The following GRAMD1C variants were observed in gnomAD, a reference collection of about 807,000 sequenced individuals.
GRAMD1C encodes the protein GRAM domain containing 1C.
Under a neutral mutation model 97.8 loss-of-function variants are expected in GRAMD1C, and 89 were observed. That is an observed-to-expected ratio of 0.91 (90% CI 0.77 to 1.09). The LOEUF is 1.09. Among genes scored for constraint, GRAMD1C ranks in the 50% least tolerant of loss-of-function variants. The pLI is 0.00. For synonymous variants in GRAMD1C, 256 were observed against 267.0 expected (o/e 0.96, Z 0.40); for missense variants, 740 against 766.4 (o/e 0.97, Z 0.41).
At chr3:113,935,537 C>A (rs6767593) in intron 13 of GRAMD1C, among the ~76,000 whole-genome samples, 1 of 150,536 alleles carries the variant, frequency 6.6e-6, no homozygotes, top group Non-Finnish European at 1.5e-5. Context: ...TGTATATATA[C>A]GTGTGTGTAT....
intron 17 of GRAMD1C, among the ~76,000 whole-genome samples, chr3:113,941,157 T>C (rs1268775732): frequency 1.3e-5 from 2 of 152,212 alleles, no homozygotes; most frequent in Non-Finnish European, 2.9e-5. Flanking sequence ...TGGAGGTAAA[T>C]ATTTTAAGAG....
chr3:113,834,163 T>G (rs1433469098), upstream of GRAMD1C, among the ~76,000 whole-genome samples: 1 of 152,158 alleles, frequency 6.6e-6, no homozygotes, highest in Non-Finnish European at 1.5e-5. Flanking sequence ...ATTCGCTATA[T>G]TACTTTACAC....
chr3:113,915,720 T>G lies in GRAMD1C; in HGVS notation c.972T>G (p.Asp324Glu), dbSNP rs984158465. 3.1e-6 allele frequency: 5 copies of G among 1,608,642 alleles called. No individual in the cohort carries two copies. The highest frequency in any genetic ancestry group is 3.4e-5 in the Admixed American group (2 of 59,278). The change falls in exon 10 of 18, where the codon GAT (aspartate) becomes GAG (glutamate). Residue 324 changes from aspartate to glutamate, a missense_variant. Asp to Glu is a conservative substitution (Grantham distance 45, BLOSUM62 2). Coordinates refer to ENST00000358160, the MANE Select transcript of GRAMD1C (RefSeq NM_017577.5). ...SVDEENVPEKDLHGRLFINRI... is the reference protein window; with the variant it reads ...SVDEENVPEKELHGRLFINRI... ...TTCCAGAAAATGTTCCTGAGAAAGA[T>G]CTTCATGGAAGACTTTTTATCAACC...
intron 10 of GRAMD1C, among the ~76,000 whole-genome samples, chr3:113,917,334 A>G (rs932049539): frequency 3.9e-5 from 6 of 152,122 alleles, no homozygotes; most frequent in Non-Finnish European, 8.8e-5. Context: ...TTATTTATTT[A>G]TTTATTTGAG....
chr3:113,867,044 T>G (rs904404210), intron 2 of GRAMD1C, among the ~76,000 whole-genome samples: 5 of 152,114 alleles, frequency 3.3e-5, no homozygotes, highest in African/African-American at 1.2e-4. Context: ...TTGGCCAGAC[T>G]GGTCTTGAAC....
chr3:113,928,177 T>C (rs1937294619), intron 10 of GRAMD1C, among the ~76,000 whole-genome samples: 1 of 152,182 alleles, frequency 6.6e-6, no homozygotes. Context: ...GCCCTCTGTG[T>C]CCCCTTGCTG....
chr3:113,829,073 T>C (rs898527472), intron 1 of GRAMD1C, among the ~76,000 whole-genome samples: 26 of 152,296 alleles, frequency 1.7e-4, no homozygotes, highest in African/African-American at 5.3e-4. Context: ...GCCAAATCCT[T>C]GCATACATAC....
chr3:113,891,129 T>C (rs1353519085), intron 6 of GRAMD1C: 1 of 175,528 alleles, frequency 5.7e-6, no homozygotes, highest in African/African-American at 2.4e-5. Flanking sequence ...TATATTCTCA[T>C]TTTAATAAAC....
At chr3:113,890,099 G>A (rs1935658644) in intron 6 of GRAMD1C, among the ~76,000 whole-genome samples, 2 of 152,090 alleles carry the variant, frequency 1.3e-5, no homozygotes, top group Non-Finnish European at 2.9e-5. Context: ...GCTCTCCTAA[G>A]CAGTGCCCAA....
At chr3:113,940,173 A>T in intron 16 of GRAMD1C, 67 bp from the exon 17 acceptor site, 1 of 1,036,518 alleles carries the variant, frequency 9.6e-7, no homozygotes, top group Non-Finnish European at 1.5e-6. Flanking sequence ...GGCTCTGATG[A>T]TTTCTGGAAA....
Position 113,945,557 on chromosome 3 carries a change from T to C in GRAMD1C, c.*79T>C. On this transcript the variant is annotated 3_prime_UTR_variant, in exon 18 of 18. Transcript: ENST00000358160. ...GAAGAAAACCAGACGAATGAAGGAT[T>C]TTGGCATAGAACATTTCTATGTTTT... is the stretch of plus-strand genomic sequence containing the variant. 1 of 761,874 alleles carries C rather than the reference T, an allele frequency of 1.3e-6. No individual in the cohort carries two copies. The allele number at this position is 761,874 out of a possible 1,614,324, so 47.2% of individuals were successfully genotyped here. A position where few individuals can be genotyped will look rare whatever the true frequency, so the allele number is the denominator to read the frequency against.
intron 1 of GRAMD1C, among the ~76,000 whole-genome samples, chr3:113,843,233 C>G (rs554642488): frequency 2.0e-5 from 3 of 151,738 alleles, no homozygotes; most frequent in African/African-American, 7.3e-5. Context: ...TGCCACCATG[C>G]CAGGCAAATT....
At chr3:113,921,101 C>T (rs1937032000) in intron 10 of GRAMD1C, among the ~76,000 whole-genome samples, 2 of 152,120 alleles carry the variant, frequency 1.3e-5, no homozygotes, top group Admixed American at 1.3e-4. Flanking sequence ...GTCTACTGTT[C>T]CCTTCTTTGC....
upstream of GRAMD1C, among the ~76,000 whole-genome samples, chr3:113,837,115 T>G (rs985969448): frequency 8.6e-5 from 13 of 150,338 alleles, no homozygotes; most frequent in African/African-American, 3.2e-4. Flanking sequence ...CTTCCTTCCC[T>G]CTCTCTCTCT....
At chr3:113,889,071 A>G (rs1935617762) in intron 6 of GRAMD1C, among the ~76,000 whole-genome samples, 1 of 152,140 alleles carries the variant, frequency 6.6e-6, no homozygotes, top group Admixed American at 6.5e-5. Context: ...GTGGTGGCAC[A>G]TGCCTGTAAT....
At chr3:113,930,887 T>C in intron 11 of GRAMD1C, 55 bp downstream of exon 11, 1 of 895,244 alleles carries the variant, frequency 1.1e-6, no homozygotes, top group South Asian at 1.4e-5. Context: ...AGAGAGAAGA[T>C]GCCTATTATA....
At chr3:113,868,820 T>C (rs1934680425) in intron 2 of GRAMD1C, among the ~76,000 whole-genome samples, 1 of 152,196 alleles carries the variant, frequency 6.6e-6, no homozygotes, top group Non-Finnish European at 1.5e-5. Context: ...CTAGTTTGTG[T>C]TACGCACATT....
intron 6 of GRAMD1C, among the ~76,000 whole-genome samples, chr3:113,898,585 G>GT (rs1441535825): frequency 6.6e-6 from 1 of 151,944 alleles, no homozygotes; most frequent in African/African-American, 2.4e-5. Flanking sequence ...TCCTTTTTAT[G>GT]TTTTTTTCTA....
intron 2 of GRAMD1C, among the ~76,000 whole-genome samples, chr3:113,862,379 G>A (rs903693784): frequency 2.0e-5 from 3 of 152,328 alleles, no homozygotes; most frequent in Non-Finnish European, 2.9e-5. Flanking sequence ...GTTCCTTGCT[G>A]AGAAAAAGAA....
Sources: gnomAD v4.1 joint callset for allele counts (sites outside exome capture counted in the v4.1 genomes callset) on GRCh38, gnomAD v4.1.1 for gene constraint, MANE v1.5 for transcripts, NCBI Gene and HGNC (gene_info 2026-07-23, HGNC 2026-07-21) for gene names.